Variants in PEPD observed in about 807,000 individuals in gnomAD.
PEPD encodes xaa-Pro dipeptidase.
PEPD carries 53 observed loss-of-function variants against 60.7 expected under a neutral mutation model. The ratio of observed to expected loss-of-function variants is 0.87; its 90% confidence interval spans 0.70 to 1.10. PEPD has a LOEUF of 1.10. Among genes scored for constraint, PEPD ranks in the 50% least tolerant of loss-of-function variants. PEPD has a pLI of 0.00. For synonymous variants in PEPD, 267 were observed against 284.1 expected (o/e 0.94, Z 0.60); for missense variants, 711 against 711.9 (o/e 1.00, Z 0.01).
intron 6 of PEPD, among the ~76,000 whole-genome samples, chr19:33,489,713 C>T (rs1034446360): frequency 6.6e-6 from 1 of 152,138 alleles, no homozygotes; most frequent in African/African-American, 2.4e-5. Flanking sequence ...AGAGGGAAAA[C>T]AACCCACCTG....
chr19:33,493,285 C>CT lies in PEPD; in HGVS notation c.441+4dup, dbSNP rs1238955537. On this transcript the variant is annotated splice_donor_region_variant and intron_variant, in intron 5 of 14. Transcript: ENST00000244137. ...CTGCCCCACCCCTGGACACCAGCCACTTACCAAAGTGAGGAGGACAGAGGG... is the reference window on the plus strand; with the variant it reads ...CTGCCCCACCCCTGGACACCAGCCACTTTACCAAAGTGAGGAGGACAGAGGG... 2 of 1,611,078 alleles carry CT rather than the reference C, an allele frequency of 1.2e-6. No homozygotes were observed. The highest frequency in any genetic ancestry group is 1.7e-6 in the Non-Finnish European group (2 of 1,177,350).
In PEPD at chr19:33,388,019, T is replaced by G; in HGVS notation, c.1215A>C (p.Pro405=). The G allele has an allele frequency of 6.4e-7, 1 of 1,568,334 alleles. No individual in the cohort carries two copies. Among genetic ancestry groups the G allele is most frequent in the East Asian group, 2.3e-5 (1 of 42,724 alleles). ...RSLRTARHLQ[P]GMVLTVEPGI... is the part of the protein sequence containing the mutation. ...CCGGCTCCACGGTGAGCACCATGCC[T>G]GGCTGCAGGTGCCGTGCAGTGCGCA... Residue 405 remains proline, a synonymous_variant, in exon 14 of 15, where the codon CCA becomes CCC. Transcript: ENST00000244137.
chr19:33,480,838 G>GTATA (rs368332707), intron 6 of PEPD, among the ~76,000 whole-genome samples: 19,770 of 128,786 alleles, frequency 0.15, 1,579 homozygotes, highest in Non-Finnish European at 0.21. Context: ...GTGTGTGTGT[G>GTATA]TGTATATCAA....
chr19:33,398,706 C>T (rs1485612442), intron 12 of PEPD, among the ~76,000 whole-genome samples: 1 of 152,362 alleles, frequency 6.6e-6, no homozygotes, highest in African/African-American at 2.4e-5. Flanking sequence ...CGCCCCTGGG[C>T]GACTGCTTCG....
At chr19:33,451,341 A>G (rs1025371042) in intron 9 of PEPD, among the ~76,000 whole-genome samples, 1 of 152,236 alleles carries the variant, frequency 6.6e-6, no homozygotes, top group Non-Finnish European at 1.5e-5. Context: ...AGAAACTTAA[A>G]ATTGTTAAAT....
At chr19:33,427,262 A>T (rs1434444885) in intron 9 of PEPD, among the ~76,000 whole-genome samples, 1 of 152,192 alleles carries the variant, frequency 6.6e-6, no homozygotes, top group African/African-American at 2.4e-5. Context: ...GTCGTGGCTC[A>T]TGGCATCTCT....
rs748308441 is a variant in PEPD at position 33,415,394 on chromosome 19, G to A, written c.672-1751C>T. ...TTCTACAAGAAAGGAGCGGCAGGCCGGGCGCAGTGGCTCACACTTGTCATC... is the reference window on the plus strand; with the variant it reads ...TTCTACAAGAAAGGAGCGGCAGGCCAGGCGCAGTGGCTCACACTTGTCATC... On this transcript the variant is annotated intron_variant, in intron 9 of 14. Coordinates refer to ENST00000244137, the MANE Select transcript of PEPD (RefSeq NM_000285.4). 1.1e-4 allele frequency among the ~76,000 whole-genome samples: 17 copies of A among 152,304 alleles called. No individual in the cohort carries two copies. The East Asian group carries it at 1.5e-3, about 14-fold the overall frequency.
At chr19:33,452,866 C>A (rs1419845827) in intron 9 of PEPD, among the ~76,000 whole-genome samples, 1 of 152,164 alleles carries the variant, frequency 6.6e-6, no homozygotes, top group African/African-American at 2.4e-5. Flanking sequence ...AACAGCCAAG[C>A]CCTATGCTTT....
chr19:33,519,057 T>G (rs1971081233), intron 1 of PEPD, among the ~76,000 whole-genome samples: 1 of 152,130 alleles, frequency 6.6e-6, no homozygotes, highest in Non-Finnish European at 1.5e-5. Context: ...TGGCTGGAGC[T>G]GACAGATTTC....
intron 9 of PEPD, among the ~76,000 whole-genome samples, chr19:33,447,956 A>C (rs1272544830): frequency 6.6e-6 from 1 of 152,164 alleles, no homozygotes; most frequent in African/African-American, 2.4e-5. Flanking sequence ...CTGCTGTCGG[A>C]GTATCTAACA....
chr19:33,516,214 G>A (rs1971020167), intron 1 of PEPD, among the ~76,000 whole-genome samples: 1 of 152,124 alleles, frequency 6.6e-6, no homozygotes, highest in South Asian at 2.1e-4. Context: ...GAGACTGTCA[G>A]GCTCAGAGTC....
chr19:33,416,150 T>C (rs928982427), intron 9 of PEPD, among the ~76,000 whole-genome samples: 2 of 152,174 alleles, frequency 1.3e-5, no homozygotes, highest in African/African-American at 4.8e-5. Flanking sequence ...CCATGCTTGA[T>C]GCGGACGCAA....
intron 9 of PEPD, among the ~76,000 whole-genome samples, chr19:33,444,380 G>A (rs1423212289): frequency 1.3e-5 from 2 of 152,068 alleles, no homozygotes; most frequent in African/African-American, 2.4e-5. Flanking sequence ...AGGAAACAGC[G>A]ACTGTGAGGC....
chr19:33,414,680 G>A (rs527375658), intron 9 of PEPD, among the ~76,000 whole-genome samples: 104 of 150,160 alleles, frequency 6.9e-4, no homozygotes, highest in African/African-American at 2.5e-3. Context: ...CTGCCTTAGA[G>A]AACGTCCATA....
At chr19:33,508,374 C>T (rs1343622887) in intron 3 of PEPD, among the ~76,000 whole-genome samples, 1 of 152,228 alleles carries the variant, frequency 6.6e-6, no homozygotes, top group African/African-American at 2.4e-5. Context: ...CTGGGAGAAT[C>T]CTCCTGCAGA....
intron 11 of PEPD, among the ~76,000 whole-genome samples, chr19:33,408,521 G>C (rs1202704559): frequency 6.6e-6 from 1 of 152,236 alleles, no homozygotes; most frequent in Non-Finnish European, 1.5e-5. Flanking sequence ...TGTGGAGAGA[G>C]GGATGGAAAA....
rs893360829 is a variant in PEPD, at chr19:33,447,080, C to A, written c.671+15915G>T. Among the ~76,000 whole-genome samples the A allele has an allele frequency of 3.3e-5, 5 of 152,172 alleles. No homozygotes were observed. In the South Asian group the frequency reaches 1.0e-3, roughly 32 times the overall value. On this transcript the variant is annotated intron_variant, in intron 9 of 14. Coordinates refer to ENST00000244137, the MANE Select transcript of PEPD (RefSeq NM_000285.4). ...GGTGCACTTCGCCCTAGCTGGGATGCCCAGGAGGGCCACCTGTGCCACCGT... is the reference window on the plus strand; with the variant it reads ...GGTGCACTTCGCCCTAGCTGGGATGACCAGGAGGGCCACCTGTGCCACCGT...
intron 9 of PEPD, among the ~76,000 whole-genome samples, chr19:33,416,968 C>T (rs1171641164): frequency 1.4e-4 from 22 of 152,148 alleles, no homozygotes; most frequent in Admixed American, 1.4e-3. Context: ...CCAGAGACGG[C>T]GTCGCTGGGC....
chr19:33,496,653 G>T (rs771405608), intron 4 of PEPD, among the ~76,000 whole-genome samples: 1 of 151,736 alleles, frequency 6.6e-6, no homozygotes, highest in African/African-American at 2.4e-5. Flanking sequence ...TCGTTTCCAC[G>T]GAGTGGTGGC....
Sources: gnomAD v4.1 joint callset for allele counts (sites outside exome capture counted in the v4.1 genomes callset) on GRCh38, gnomAD v4.1.1 for gene constraint, MANE v1.5 for transcripts, NCBI Gene and HGNC (gene_info 2026-07-23, HGNC 2026-07-21) for gene names.